The following HERC2 variants were observed in gnomAD, a reference collection of about 807,000 sequenced individuals.
HERC2 encodes the protein E3 ubiquitin-protein ligase HERC2.
HERC2 carries 102 observed loss-of-function variants against 537.7 expected under a neutral mutation model. The ratio of observed to expected loss-of-function variants is 0.19; its 90% CI spans 0.16 to 0.22. The LOEUF is 0.22. Ranked by LOEUF, HERC2 falls within the 10% of genes least tolerant of loss-of-function variation. The pLI, the probability that HERC2 is intolerant of heterozygous loss-of-function variation, is 1.00. For missense variants in HERC2, 4,236 were observed against 6,198.2 expected (o/e 0.68, Z 10.63); for synonymous variants, 2,224 against 2,466.2 (o/e 0.90, Z 2.91).
intron 43 of HERC2, 28 bp downstream of exon 43, chr15:28,212,417 A>G: frequency 1.9e-6 from 3 of 1,602,308 alleles, no homozygotes; most frequent in Non-Finnish European, 2.6e-6. Flanking sequence ...GACGGCAGCT[A>G]TTTCATCAAG....
In HERC2 at chr15:28,229,613, C is replaced by T; in HGVS notation, c.4984-17G>A. ...TCTCTCCAACTGCAAAATATCAATG[C>T]ATACAGTTAAGTGTTATGTATATTA... On this transcript the variant is annotated splice_polypyrimidine_tract_variant and intron_variant, in intron 32 of 92. Transcript: ENST00000261609. 1 of 1,602,512 alleles carries T rather than the reference C, an allele frequency of 6.2e-7. No homozygotes were observed. The highest frequency in any genetic ancestry group is 2.2e-5 in the East Asian group (1 of 44,848).
intron 36 of HERC2, among the ~76,000 whole-genome samples, 168 bp from the exon 37 acceptor site, chr15:28,220,812 T>C (rs561621696): frequency 1.4e-5 from 2 of 146,490 alleles, no homozygotes; most frequent in Admixed American, 6.8e-5. Flanking sequence ...GGTCCTTCCA[T>C]AGCTCCCACC....
chr15:28,216,213 C>A (rs1159529800), intron 38 of HERC2, among the ~76,000 whole-genome samples: 1 of 152,038 alleles, frequency 6.6e-6, no homozygotes, highest in African/African-American at 2.4e-5. Context: ...ATCTATAATT[C>A]AAATAACAGT....
At chr15:28,286,857 C>T (rs2076170197) in intron 4 of HERC2, among the ~76,000 whole-genome samples, 1 of 152,094 alleles carries the variant, frequency 6.6e-6, no homozygotes, top group Admixed American at 6.5e-5. Flanking sequence ...ATGTGCACTT[C>T]TGAACTCCTG....
chr15:28,318,543 G>C (rs1389904218), intron 2 of HERC2, among the ~76,000 whole-genome samples: 2 of 152,030 alleles, frequency 1.3e-5, no homozygotes. Context: ...CAGGAGAATG[G>C]CATGAACCCA....
In HERC2 at chr15:28,179,038, G is replaced by A. The variant is rs752994412; in HGVS notation, c.9020-8C>T. The A allele has an allele frequency of 1.1e-4, 175 of 1,612,760 alleles. No homozygotes were observed. The highest frequency in any genetic ancestry group is 6.5e-4 in the South Asian group (59 of 90,868). On this transcript the variant is annotated splice_polypyrimidine_tract_variant and splice_region_variant and intron_variant, in intron 58 of 92. Coordinates refer to ENST00000261609, the MANE Select transcript of HERC2 (RefSeq NM_004667.6). ...CCTTCCCTTCCACAGTCACTGCAAG[G>A]AACGACAGCCAGGAGAGGACTCTCT...
chr15:28,317,090 A>G (rs2077108190), intron 2 of HERC2, among the ~76,000 whole-genome samples: 1 of 150,244 alleles, frequency 6.7e-6, no homozygotes, highest in Non-Finnish European at 1.5e-5. Flanking sequence ...CTAAGCATGA[A>G]GTGACAATTT....
intron 3 of HERC2, among the ~76,000 whole-genome samples, chr15:28,294,256 A>G (rs2076399978): frequency 6.6e-6 from 1 of 152,172 alleles, no homozygotes; most frequent in African/African-American, 2.4e-5. Flanking sequence ...ATGCTGAAAA[A>G]AATATCCAAA....
rs762000627 is a variant in HERC2, at chr15:28,215,611, A to G, written c.6210+10T>C. The G allele has an allele frequency of 5.0e-6, 8 of 1,593,432 alleles. No individual in the cohort carries two copies. The South Asian group carries it at 9.0e-5, about 18-fold the overall frequency. ...TCTCAGGGAACTGGTTTTGCCTGGC[A>G]GCACATTACCTGCCTCTGCAGCGAG... On this transcript the variant is annotated intron_variant, in intron 39 of 92. Coordinates refer to ENST00000261609, the MANE Select transcript of HERC2 (RefSeq NM_004667.6).
chr15:28,162,298 A>G (rs180699401), intron 69 of HERC2, among the ~76,000 whole-genome samples: 79 of 152,290 alleles, frequency 5.2e-4, no homozygotes, highest in African/African-American at 1.7e-3. Flanking sequence ...GCGCCACCGC[A>G]CTCCAGCCCG....
At chr15:28,280,035 G>A in intron 5 of HERC2, 33 bp downstream of exon 5, 1 of 1,498,454 alleles carries the variant, frequency 6.7e-7, no homozygotes, top group Non-Finnish European at 9.2e-7. Flanking sequence ...ATATTTAACT[G>A]GCATCAGGAT....
intron 30 of HERC2, among the ~76,000 whole-genome samples, chr15:28,231,853 A>G (rs1052856279): frequency 1.3e-5 from 2 of 151,734 alleles, no homozygotes; most frequent in Non-Finnish European, 2.9e-5. Context: ...AAAAAAAAAG[A>G]AAACCAGCTT....
chr15:28,281,776 G>A (rs111955823), intron 4 of HERC2, among the ~76,000 whole-genome samples: 3 of 152,190 alleles, frequency 2.0e-5, no homozygotes, highest in Non-Finnish European at 4.4e-5. Flanking sequence ...CAGTGCCCCT[G>A]CCCTTCTCAG....
Position 28,117,047 on chromosome 15 carries a change from G to C in HERC2, c.13380C>G (p.Leu4460=). Residue 4460 remains leucine (L), a synonymous_variant, in exon 87 of 93, where the codon CTC becomes CTG. Coordinates refer to ENST00000261609, the MANE Select transcript of HERC2 (RefSeq NM_004667.6). ...TGACTTTCCAGACACGGTGAGGAAG[G>C]AGGAGGCTGTCGGGACCAAACGAGC... ...KMSSFGPDSL[L]LPHRVWKVKF... The C allele has an allele frequency of 6.2e-7, 1 of 1,614,202 alleles. No individual in the cohort carries two copies. Among genetic ancestry groups the C allele is most frequent in the Non-Finnish European group, 8.5e-7 (1 of 1,180,048 alleles).
chr15:28,207,159 G>A (rs1286353605), intron 44 of HERC2, among the ~76,000 whole-genome samples: 1 of 151,624 alleles, frequency 6.6e-6, no homozygotes, highest in Non-Finnish European at 1.5e-5. Context: ...TTCTTGAGAT[G>A]GAGTCTCACT....
At chr15:28,258,527 AT>A (rs1246203669) in intron 16 of HERC2, among the ~76,000 whole-genome samples, 1 of 152,206 alleles carries the variant, frequency 6.6e-6, no homozygotes, top group Non-Finnish European at 1.5e-5. Flanking sequence ...CTCAAGAGAA[AT>A]TATAAAATAT....
chr15:28,226,130 T>C (rs1484270759), intron 35 of HERC2, among the ~76,000 whole-genome samples: 37 of 152,164 alleles, frequency 2.4e-4, no homozygotes, highest in Admixed American at 2.4e-3. Context: ...CTGAAAGAAA[T>C]TAAAGAGGAC....
chr15:28,292,381 T>C (rs2076341369), intron 4 of HERC2, among the ~76,000 whole-genome samples: 1 of 152,146 alleles, frequency 6.6e-6, no homozygotes, highest in Non-Finnish European at 1.5e-5. Flanking sequence ...ATGCTGTACC[T>C]ACTCACACAA....
intron 20 of HERC2, among the ~76,000 whole-genome samples, chr15:28,250,174 A>C (rs1433454488): frequency 6.6e-6 from 1 of 151,356 alleles, no homozygotes. Flanking sequence ...TGTCAATCCC[A>C]CTTGCCCCCG....
Sources: allele counts gnomAD v4.1 joint callset (sites outside exome capture counted in the v4.1 genomes callset), GRCh38; gene constraint gnomAD v4.1.1; transcripts MANE v1.5; gene names NCBI Gene and HGNC (gene_info 2026-07-23, HGNC 2026-07-21).